Variants in PWWP2B observed in about 807,000 individuals in gnomAD.
PWWP2B encodes PWWP domain containing 2B.
Under a neutral mutation model 15.5 loss-of-function variants are expected in PWWP2B, and 9 were observed. The observed-to-expected ratio is 0.58, with a 90% CI of 0.35 to 1.02. PWWP2B has a LOEUF of 1.02. Among genes scored for constraint, PWWP2B ranks in the 50% least tolerant of loss-of-function variants. The probability of loss-of-function intolerance (pLI) is 0.02; values close to 1 mark genes in which losing one functional copy is unlikely to be tolerated. For missense variants in PWWP2B, 864 were observed against 865.3 expected, an observed-to-expected ratio of 1.00 and a Z score of 0.02; for synonymous variants, 474 against 403.6, an observed-to-expected ratio of 1.17 and a Z score of -2.09.
chr10:132,415,598 C>T (rs2069839964), intron 2 of PWWP2B, among the ~76,000 whole-genome samples: 1 of 151,198 alleles, frequency 6.6e-6, no homozygotes, highest in South Asian at 2.1e-4. Flanking sequence ...CACACCCACT[C>T]ACATTTACTC....
In PWWP2B at chr10:132,417,139, C is replaced by T. The variant is rs1249579510; in HGVS notation, c.*95C>T. The T allele has an allele frequency of 1.9e-6, 3 of 1,596,294 alleles. No individual in the cohort carries two copies. The African/African-American group carries it at 4.0e-5, about 21-fold the overall frequency. On this transcript the variant is annotated 3_prime_UTR_variant, in exon 3 of 3. Transcript: ENST00000305233. ...GGGACCCTGTGAGCCTTCTGGCCGG[C>T]TGCGTGCAGAGCCCACTGGGCACGG...
intron 2 of PWWP2B, among the ~76,000 whole-genome samples, chr10:132,411,491 A>T (rs2069779977): frequency 6.6e-6 from 1 of 152,208 alleles, no homozygotes; most frequent in African/African-American, 2.4e-5. Flanking sequence ...CTCATGTCCG[A>T]CAGAAGGGAA....
intron 2 of PWWP2B, among the ~76,000 whole-genome samples, chr10:132,412,846 C>T (rs900643269): frequency 7.2e-5 from 11 of 152,224 alleles, no homozygotes; most frequent in Non-Finnish European, 1.5e-4. Flanking sequence ...CCCTCCTGAG[C>T]GTGTGTGTCT....
rs1283703126 is a variant in PWWP2B, at chr10:132,405,111, T to C, written c.611T>C (p.Leu204Pro). The C allele has an allele frequency of 5.2e-6, 8 of 1,539,996 alleles. No individual in the cohort carries two copies. Among genetic ancestry groups the C allele is most frequent in the African/African-American group, 1.4e-5 (1 of 72,440 alleles). The change falls in exon 2 of 3, where the codon CTG becomes CCG. Residue 204 changes from leucine to proline, a missense_variant. Coordinates refer to ENST00000305233, the MANE Select transcript of PWWP2B (RefSeq NM_138499.4). ...GCCGCGCCCAGGGCCCGCAGGAGGCTGGGCAGCGGCCCGGACAGGGAGCTC... is the reference window on the plus strand; with the variant it reads ...GCCGCGCCCAGGGCCCGCAGGAGGCCGGGCAGCGGCCCGGACAGGGAGCTC... ...PPAAPRARRR[L>P]GSGPDRELRK...
In PWWP2B at chr10:132,414,955, G is replaced by A. The variant is rs190677524; in HGVS notation, c.*17-2106G>A. On this transcript the variant is annotated intron_variant, in intron 2 of 2. Transcript: ENST00000305233. ...GAGAGCCTCCTGCTCCCCCTGGGAC[G>A]TGAATGGGAGATGGTCCAAAATGCA... Among the ~76,000 whole-genome samples the A allele has an allele frequency of 4.1e-3, 622 of 152,272 alleles. 1 individual carries two copies. The highest frequency in any genetic ancestry group is 6.3e-3 in the Admixed American group (96 of 15,306).
chr10:132,411,205 G>A (rs1281421100), intron 2 of PWWP2B, among the ~76,000 whole-genome samples: 1 of 152,200 alleles, frequency 6.6e-6, no homozygotes, highest in African/African-American at 2.4e-5. Flanking sequence ...CAGACCTGGG[G>A]GTCCAGGCTT....
intron 1 of PWWP2B, among the ~76,000 whole-genome samples, 181 bp downstream of exon 1, chr10:132,397,532 G>A (rs1384952571): frequency 6.6e-6 from 1 of 150,852 alleles, no homozygotes; most frequent in Non-Finnish European, 1.5e-5. Flanking sequence ...GGGGGCAAAA[G>A]TGGTTCTCAA....
Position 132,405,465 on chromosome 10 carries a change from T to G in PWWP2B, c.965T>G (p.Val322Gly), listed in dbSNP as rs2069682036. ...SIPKLKLTRP[V>G]PAGADLPPPK... ...CCCAAGTTGAAACTGACACGGCCTG[T>G]GCCGGCCGGCGCGGACCTGCCGCCC... Residue 322 changes from valine to glycine, a missense_variant, in exon 2 of 3, where the codon GTG (valine) becomes GGG (glycine). Physicochemically the swap from Val to Gly is moderately radical, Grantham distance 109. Coordinates refer to ENST00000305233, the MANE Select transcript of PWWP2B (RefSeq NM_138499.4). 1 of 1,606,718 alleles carries G rather than the reference T, an allele frequency of 6.2e-7. No homozygotes were observed. The highest frequency in any genetic ancestry group is 8.5e-7 in the Non-Finnish European group (1 of 1,179,420).
Position 132,405,637 on chromosome 10 carries a change from C to T in PWWP2B, c.1137C>T (p.Asp379=). The change falls in exon 2 of 3, where the codon GAC becomes GAT. Residue 379 remains aspartate (D), a synonymous_variant. Coordinates refer to ENST00000305233, the MANE Select transcript of PWWP2B (RefSeq NM_138499.4). ...ACGGCCCTGCCGGTGGGCTGGCGGA[C>T]TTGTCTTCTGGAAGTTCGGGTGAGG... The part of the protein sequence containing the change: ...CADGPAGGLA[D]LSSGSSGEDD... 7 of 1,612,410 alleles carry T rather than the reference C, an allele frequency of 4.3e-6. No individual in the cohort carries two copies. Among genetic ancestry groups the T allele is most frequent in the Non-Finnish European group, 5.9e-6 (7 of 1,179,866 alleles).
chr10:132,404,528 C>T lies in PWWP2B; in HGVS notation c.126-98C>T, dbSNP rs532193511. 3 of 1,052,592 alleles carry T rather than the reference C, an allele frequency of 2.9e-6. No homozygotes were observed. The African/African-American group carries it at 4.7e-5, about 16-fold the overall frequency. 65.2% of individuals were successfully genotyped at this position (1,052,592 alleles called of 1,614,324 possible). A position where few individuals can be genotyped will look rare whatever the true frequency, so the allele number is the denominator to read the frequency against. On this transcript the variant is annotated intron_variant, in intron 1 of 2. Transcript: ENST00000305233. ...GGGCATGGCTCGCTGCCCAGACCTG[C>T]CGGAGCATGGGTCGGGGGCCTTGGC...
chr10:132,402,945 C>T (rs561786308), intron 1 of PWWP2B, among the ~76,000 whole-genome samples: 6 of 152,352 alleles, frequency 3.9e-5, no homozygotes, highest in African/African-American at 7.2e-5. Flanking sequence ...GGTCTGTGCT[C>T]CTCGGTCCTG....
rs544638306 is a variant in PWWP2B, at chr10:132,413,449, T to C, written c.*17-3612T>C. ...GCTCGCCCTGCCCGTCTTTTTGTCC[T>C]GGGGTCTGGCCCTTTGGGGTATGTG... On this transcript the variant is annotated intron_variant, in intron 2 of 2. Coordinates refer to ENST00000305233, the MANE Select transcript of PWWP2B (RefSeq NM_138499.4). Among the ~76,000 whole-genome samples, 33 of 152,322 alleles carry C rather than the reference T, an allele frequency of 2.2e-4. 1 individual carries two copies. The South Asian group carries it at 3.5e-3, about 16-fold the overall frequency.
intron 2 of PWWP2B, among the ~76,000 whole-genome samples, chr10:132,412,891 T>C (rs7898069): frequency 0.18 from 26,778 of 151,800 alleles, 3,579 homozygotes; most frequent in African/African-American, 0.38. Flanking sequence ...CATATCTAGT[T>C]GGGTTCGATC....
In PWWP2B at chr10:132,417,276, A is replaced by G; in HGVS notation, c.*232A>G. ...TGTATTTCTTCCCACCACTCAGCGC[A>G]TGGCTGCCCTGGCTCACGAGGCAGT... On this transcript the variant is annotated 3_prime_UTR_variant, in exon 3 of 3. Coordinates refer to ENST00000305233, the MANE Select transcript of PWWP2B (RefSeq NM_138499.4). 1.6e-6 allele frequency: 1 copy of G among 610,374 alleles called. No individual in the cohort carries two copies. The highest frequency in any genetic ancestry group is 2.9e-6 in the Non-Finnish European group (1 of 343,554). 37.8% of individuals were successfully genotyped at this position (610,374 alleles called of 1,614,324 possible).
chr10:132,398,944 T>C (rs964267603), intron 1 of PWWP2B, among the ~76,000 whole-genome samples: 2 of 111,024 alleles, frequency 1.8e-5, no homozygotes, highest in African/African-American at 7.0e-5. Flanking sequence ...AGGCTTGTCC[T>C]GGAAGGACCC....
Position 132,405,242 on chromosome 10 carries a change from C to T in PWWP2B, c.742C>T (p.Pro248Ser). 6.2e-7 allele frequency: 1 copy of T among 1,607,662 alleles called. No individual in the cohort carries two copies. The highest frequency in any genetic ancestry group is 1.3e-5 in the African/African-American group (1 of 74,950). ...EEDRAPAEQV[P>S]RSPVIKISYS... ...GGACAGGGCCCCGGCAGAGCAGGTCCCGCGGAGCCCGGTCATCAAGATCTC... is the reference window on the plus strand; with the variant it reads ...GGACAGGGCCCCGGCAGAGCAGGTCTCGCGGAGCCCGGTCATCAAGATCTC... Residue 248 changes from proline (P) to serine (S), a missense_variant, in exon 2 of 3, where the codon CCG (proline) becomes TCG (serine). Pro to Ser is a moderately conservative substitution (Grantham distance 74). This residue lies in a region of PWWP2B where 736 missense variants were observed against 687.7 expected (regional missense o/e 1.07). Transcript: ENST00000305233.
intron 1 of PWWP2B, among the ~76,000 whole-genome samples, chr10:132,399,337 C>T (rs148154461): frequency 3.3e-5 from 5 of 152,376 alleles, no homozygotes; most frequent in South Asian, 2.1e-4. Context: ...GCACAACCGG[C>T]GCTGTTGAGC....
intron 1 of PWWP2B, among the ~76,000 whole-genome samples, chr10:132,397,554 C>G (rs1166909293): frequency 2.0e-5 from 3 of 148,974 alleles, no homozygotes; most frequent in African/African-American, 7.4e-5. Context: ...GTCGTCGCGA[C>G]TTTTCGGGGC....
chr10:132,401,397 G>A (rs187984021), intron 1 of PWWP2B, among the ~76,000 whole-genome samples: 5 of 147,424 alleles, frequency 3.4e-5, no homozygotes, highest in African/African-American at 9.7e-5. Flanking sequence ...CCCACAGGCA[G>A]GGCCCCCATG....
Sources: allele counts gnomAD v4.1 joint callset (sites outside exome capture counted in the v4.1 genomes callset), GRCh38; gene constraint gnomAD v4.1.1; regional missense constraint gnomAD v4.1.1; transcripts MANE v1.5; gene names NCBI Gene and HGNC (gene_info 2026-07-23, HGNC 2026-07-21).